The following ESRRG variants were observed in gnomAD, a reference collection of about 807,000 sequenced individuals.
ESRRG encodes estrogen-related receptor gamma.
Under a neutral mutation model 44.0 loss-of-function variants are expected in ESRRG, and 13 were observed. The ratio of observed to expected loss-of-function variants is 0.30; its 90% CI spans 0.19 to 0.47. The LOEUF is 0.47. ESRRG is among the 20% of genes least tolerant of loss of function. ESRRG has a pLI of 1.00. For missense variants in ESRRG, 395 were observed against 580.6 expected (o/e 0.68, Z 3.29); for synonymous variants, 215 against 214.6 (o/e 1.00, Z -0.02).
intron 1 of ESRRG, among the ~76,000 whole-genome samples, chr1:217,050,445 C>A (rs1231327922): frequency 1.3e-5 from 2 of 152,124 alleles, no homozygotes; most frequent in African/African-American, 4.8e-5. Context: ...GAAGTTTGAA[C>A]AAGAGGAGCC....
intron 1 of ESRRG, among the ~76,000 whole-genome samples, chr1:217,022,048 T>C (rs2080406041): frequency 6.6e-6 from 1 of 152,224 alleles, no homozygotes; most frequent in Non-Finnish European, 1.5e-5. Context: ...AGGGATATTA[T>C]GGTGTGCTCG....
intron 2 of ESRRG, among the ~76,000 whole-genome samples, chr1:216,824,471 T>A (rs2095357182): frequency 6.7e-6 from 1 of 150,004 alleles, no homozygotes; most frequent in Admixed American, 6.7e-5. Context: ...TAATAATAAA[T>A]AGTCATTTTA....
intron 2 of ESRRG, among the ~76,000 whole-genome samples, chr1:216,878,275 C>A (rs1172947532): frequency 2.0e-5 from 3 of 152,080 alleles, no homozygotes; most frequent in Non-Finnish European, 2.9e-5. Flanking sequence ...AGATTGCTAT[C>A]TTTTTCTTCT....
At chr1:216,707,144 A>C (rs1033544705) in intron 1 of ESRRG, among the ~76,000 whole-genome samples, 2 of 152,236 alleles carry the variant, frequency 1.3e-5, no homozygotes, top group Non-Finnish European at 2.9e-5. Context: ...CCTCAAAGTC[A>C]AACAACATAA....
intron 2 of ESRRG, among the ~76,000 whole-genome samples, chr1:216,833,421 G>T (rs2095516916): frequency 6.6e-6 from 1 of 152,118 alleles, no homozygotes; most frequent in Admixed American, 6.5e-5. Flanking sequence ...AATTTCCTGG[G>T]CTATCTGTAC....
intron 3 of ESRRG, among the ~76,000 whole-genome samples, chr1:216,588,228 A>C (rs773682684): frequency 6.6e-6 from 1 of 152,180 alleles, no homozygotes; most frequent in Non-Finnish European, 1.5e-5. Context: ...GGGATTTCCC[A>C]TATGAAATTG....
chr1:217,100,778 T>C (rs1288282106), intron 1 of ESRRG, among the ~76,000 whole-genome samples: 1 of 152,098 alleles, frequency 6.6e-6, no homozygotes, highest in African/African-American at 2.4e-5. Context: ...CAACCAGATC[T>C]TGGATGAACT....
At chr1:217,097,889 T>C (rs995365323) in intron 1 of ESRRG, among the ~76,000 whole-genome samples, 1 of 149,606 alleles carries the variant, frequency 6.7e-6, no homozygotes, top group Non-Finnish European at 1.5e-5. Flanking sequence ...TTTATGACCA[T>C]GGTTCCTAAA....
intron 2 of ESRRG, among the ~76,000 whole-genome samples, chr1:216,840,719 T>C (rs2095639357): frequency 6.6e-6 from 1 of 152,122 alleles, no homozygotes; most frequent in Non-Finnish European, 1.5e-5. Flanking sequence ...TTTGATAGGT[T>C]GTGTCTGGGG....
chr1:216,881,431 C>T (rs1200137893), intron 2 of ESRRG, among the ~76,000 whole-genome samples: 2 of 152,080 alleles, frequency 1.3e-5, no homozygotes, highest in East Asian at 1.9e-4. Context: ...TGAATTGCCA[C>T]ACCAACTTCC....
intron 2 of ESRRG, among the ~76,000 whole-genome samples, chr1:216,662,080 C>T (rs191851834): frequency 2.0e-3 from 308 of 152,218 alleles, no homozygotes; most frequent in Non-Finnish European, 3.5e-3. Flanking sequence ...ATTTAAGATG[C>T]TTAGCAGAGT....
At position 217,001,997 on chromosome 1, in the gene ESRRG, AT is replaced by A. The variant is rs34955630; in HGVS notation, c.-105-62325del. Reference sequence around the variant, plus strand: ...TGCTAATAAGTTTGGCACCATTATAATTTTTTTTTTAAAGAAAGGAGCACCC... The same window carrying A: ...TGCTAATAAGTTTGGCACCATTATAATTTTTTTTTAAAGAAAGGAGCACCC... On this transcript the variant is annotated intron_variant, in intron 1 of 7. Transcript: ENST00000359162. Among the ~76,000 whole-genome samples the A allele has an allele frequency of 5.5e-3, 832 of 150,608 alleles. 7 individuals are homozygous for A. The highest frequency in any genetic ancestry group is 0.019 in the African/African-American group (787 of 41,116).
intron 2 of ESRRG, among the ~76,000 whole-genome samples, chr1:216,883,998 A>G (rs1337120727): frequency 6.6e-6 from 1 of 152,216 alleles, no homozygotes; most frequent in East Asian, 1.9e-4. Context: ...GTCCTTCAGA[A>G]TGAAAGTATG....
At chr1:216,969,423 A>G (rs1261329478) in intron 1 of ESRRG, among the ~76,000 whole-genome samples, 1 of 151,930 alleles carries the variant, frequency 6.6e-6, no homozygotes, top group Non-Finnish European at 1.5e-5. Flanking sequence ...AAAAACATAG[A>G]AAAAAACATA....
At chr1:216,680,622 C>T (rs1442936486) in intron 1 of ESRRG, among the ~76,000 whole-genome samples, 1 of 152,190 alleles carries the variant, frequency 6.6e-6, no homozygotes, top group Non-Finnish European at 1.5e-5. Context: ...TGTGCAGTGA[C>T]ACCTAAACAG....
chr1:217,088,495 CTG>C (rs2092234176), intron 1 of ESRRG, among the ~76,000 whole-genome samples: 1 of 123,640 alleles, frequency 8.1e-6, no homozygotes, highest in African/African-American at 3.1e-5. Context: ...CATTTGCTTT[CTG>C]TGTGTGTCTG....
chr1:216,939,173 G>T (rs1045102824), intron 2 of ESRRG, among the ~76,000 whole-genome samples: 1 of 151,530 alleles, frequency 6.6e-6, no homozygotes, highest in African/African-American at 2.4e-5. Context: ...TACTTCTTAG[G>T]CACCATCGAA....
At chr1:216,753,946 C>T (rs953685891) in intron 2 of ESRRG, among the ~76,000 whole-genome samples, 2 of 151,942 alleles carry the variant, frequency 1.3e-5, no homozygotes, top group African/African-American at 4.8e-5. Flanking sequence ...AGTTGGACTT[C>T]CTGGGCTTGT....
At chr1:217,109,324 A>G (rs987429025) in intron 1 of ESRRG, among the ~76,000 whole-genome samples, 1 of 152,202 alleles carries the variant, frequency 6.6e-6, no homozygotes, top group Non-Finnish European at 1.5e-5. Flanking sequence ...TTGAGCAAAA[A>G]CACAAAAGAG....
Sources: gnomAD v4.1 joint callset for allele counts (sites outside exome capture counted in the v4.1 genomes callset) on GRCh38, gnomAD v4.1.1 for gene constraint, MANE v1.5 for transcripts, NCBI Gene and HGNC (gene_info 2026-07-23, HGNC 2026-07-21) for gene names.